Variants in TBC1D2 observed in about 807,000 individuals in gnomAD.
The protein encoded by TBC1D2 is TBC1 domain family member 2.
In TBC1D2, 58 loss-of-function variants were observed where a neutral mutation model predicts 91.1. The observed-to-expected ratio is 0.64, with a 90% CI of 0.52 to 0.79. TBC1D2 has a LOEUF of 0.79. Ranked by LOEUF, TBC1D2 falls within the 30% of genes least tolerant of loss-of-function variation. The probability of loss-of-function intolerance (pLI) is 0.00; values close to 1 mark genes in which losing one functional copy is unlikely to be tolerated. For synonymous variants in TBC1D2, 482 were observed against 511.5 expected (o/e 0.94, Z 0.78); for missense variants, 1,080 against 1,208.3 (o/e 0.89, Z 1.57).
At chr9:98,206,894 A>G (rs1471109364) in intron 9 of TBC1D2, among the ~76,000 whole-genome samples, 1 of 152,256 alleles carries the variant, frequency 6.6e-6, no homozygotes, top group East Asian at 1.9e-4. Context: ...TGCAAAAATT[A>G]TTATTCATTC....
intron 2 of TBC1D2, among the ~76,000 whole-genome samples, chr9:98,249,787 C>T (rs983989647): frequency 6.6e-6 from 1 of 152,136 alleles, no homozygotes; most frequent in African/African-American, 2.4e-5. Flanking sequence ...CATAGAATAA[C>T]AATATTATTA....
At chr9:98,245,237 C>A (rs1829740579) in intron 2 of TBC1D2, among the ~76,000 whole-genome samples, 1 of 151,564 alleles carries the variant, frequency 6.6e-6, no homozygotes, top group Admixed American at 6.6e-5. Flanking sequence ...GAGACTCCAT[C>A]TCAAAAAACA....
In TBC1D2 at chr9:98,208,793, G is replaced by C; in HGVS notation, c.2025C>G (p.Asn675Lys). 6.3e-7 allele frequency: 1 copy of C among 1,597,406 alleles called. No individual in the cohort carries two copies. The highest frequency in any genetic ancestry group is 1.3e-5 in the African/African-American group (1 of 74,810). ...PAARQIELDL[N>K]RTFPNNKHFT... Reference sequence around the variant, plus strand: ...AGTGTTTGTTGTTGGGGAAGGTCCGGTTCAGGTCCAGCTCAATCTGGCGGG... The same window carrying C: ...AGTGTTTGTTGTTGGGGAAGGTCCGCTTCAGGTCCAGCTCAATCTGGCGGG... The change falls in exon 9 of 13, where the codon AAC (asparagine) becomes AAG (lysine). Residue 675 changes from asparagine to lysine, a missense_variant. Asn to Lys is a moderately conservative substitution (Grantham distance 94). Coordinates refer to ENST00000465784, the MANE Select transcript of TBC1D2 (RefSeq NM_001267571.2).
intron 10 of TBC1D2, 108 bp from the exon 11 acceptor site, chr9:98,201,772 C>T: frequency 8.5e-7 from 1 of 1,181,610 alleles, no homozygotes; most frequent in Non-Finnish European, 1.2e-6. Context: ...TGAAGCTGCT[C>T]TGGGCAGGTC....
chr9:98,218,723 C>T (rs1282964967), intron 6 of TBC1D2, among the ~76,000 whole-genome samples: 2 of 152,146 alleles, frequency 1.3e-5, no homozygotes, highest in Non-Finnish European at 2.9e-5. Flanking sequence ...TGGTGTTTCA[C>T]TCCTTCACCC....
intron 5 of TBC1D2, among the ~76,000 whole-genome samples, chr9:98,222,588 C>T (rs1419807339): frequency 6.6e-6 from 1 of 152,240 alleles, no homozygotes; most frequent in African/African-American, 2.4e-5. Context: ...AGGGCCACGC[C>T]TGGACTCAGG....
intron 6 of TBC1D2, among the ~76,000 whole-genome samples, chr9:98,215,978 A>G (rs1214160769): frequency 6.6e-6 from 1 of 152,092 alleles, no homozygotes; most frequent in Non-Finnish European, 1.5e-5. Flanking sequence ...TCTCCTACCC[A>G]TCAGACAGTA....
At chr9:98,246,268 G>GT (rs928043645) in intron 2 of TBC1D2, among the ~76,000 whole-genome samples, 14 of 152,116 alleles carry the variant, frequency 9.2e-5, no homozygotes, top group Non-Finnish European at 1.5e-5. Context: ...GCGGAGATTT[G>GT]TTTTTGCACT....
chr9:98,203,427 C>T lies in TBC1D2; in HGVS notation c.2151-19G>A, dbSNP rs762803083. ...CGCCAGCCTGGAGTAGTAGGGAAGG[C>T]CTGGAGTGATTACAGAAGCCGTGGC... On this transcript the variant is annotated intron_variant, in intron 9 of 12. Coordinates refer to ENST00000465784, the MANE Select transcript of TBC1D2 (RefSeq NM_001267571.2). The T allele has an allele frequency of 4.3e-6, 7 of 1,612,886 alleles. No homozygotes were observed. In the African/African-American group the frequency reaches 9.3e-5, roughly 22 times the overall value.
chr9:98,221,321 C>T (rs943967260), intron 5 of TBC1D2, 93 bp from the exon 6 acceptor site: 8 of 1,406,578 alleles, frequency 5.7e-6, no homozygotes, highest in South Asian at 3.0e-5. Flanking sequence ...TCCTAACAAC[C>T]GTGAGAGGTG....
chr9:98,252,631 A>G (rs1484207154), intron 1 of TBC1D2, among the ~76,000 whole-genome samples: 1 of 152,208 alleles, frequency 6.6e-6, no homozygotes, highest in Non-Finnish European at 1.5e-5. Flanking sequence ...CTTTCTACAG[A>G]TGGAGAAACT....
intron 4 of TBC1D2, among the ~76,000 whole-genome samples, chr9:98,230,982 T>G (rs938254344): frequency 1.3e-5 from 2 of 152,202 alleles, no homozygotes; most frequent in African/African-American, 4.8e-5. Context: ...CAAGGCAGCC[T>G]GCAGAGCTCA....
At chr9:98,208,154 G>A (rs1449996674) in intron 9 of TBC1D2, among the ~76,000 whole-genome samples, 1 of 152,120 alleles carries the variant, frequency 6.6e-6, no homozygotes, top group Non-Finnish European at 1.5e-5. Context: ...AGAGAGCAGG[G>A]ACGAGGGGCC....
intron 2 of TBC1D2, among the ~76,000 whole-genome samples, chr9:98,246,886 T>C (rs1588065776): frequency 6.6e-6 from 1 of 152,002 alleles, no homozygotes; most frequent in Non-Finnish European, 1.5e-5. Flanking sequence ...GGGTAAGTGG[T>C]TGGATCTCAT....
rs372602011 is a variant in TBC1D2 at position 98,210,859 on chromosome 9, G to C, written c.1486-16C>G. The stretch of plus-strand genomic sequence containing the variant: ...GGTAGGCGCACTGCAAACAGGGAAA[G>C]GCTGGTCAGGCTACCGGGTGGGAGC... On this transcript the variant is annotated splice_polypyrimidine_tract_variant and intron_variant, in intron 7 of 12. Transcript: ENST00000465784. The C allele has an allele frequency of 1.3e-5, 20 of 1,547,290 alleles. No individual in the cohort carries two copies. The East Asian group carries it at 4.9e-4, about 38-fold the overall frequency.
intron 7 of TBC1D2, among the ~76,000 whole-genome samples, chr9:98,211,376 C>T (rs9299277): frequency 0.18 from 27,352 of 152,018 alleles, 2,703 homozygotes; most frequent in African/African-American, 0.21. Flanking sequence ...ACCTAGGCTC[C>T]TTCTGTTCCT....
intron 2 of TBC1D2, among the ~76,000 whole-genome samples, chr9:98,250,233 A>C (rs572037516): frequency 1.5e-4 from 23 of 152,294 alleles, no homozygotes; most frequent in African/African-American, 4.8e-4. Flanking sequence ...CATCAAGCCC[A>C]AGGTGGGGAC....
intron 6 of TBC1D2, among the ~76,000 whole-genome samples, chr9:98,216,021 T>C (rs1345550588): frequency 6.6e-6 from 1 of 152,216 alleles, no homozygotes; most frequent in Non-Finnish European, 1.5e-5. Flanking sequence ...GAGTTGGCCA[T>C]GTACCGGCAC....
chr9:98,213,253 C>T, intron 6 of TBC1D2, 35 bp from the exon 7 acceptor site: 1 of 1,612,796 alleles, frequency 6.2e-7, no homozygotes. Flanking sequence ...ATCAGTTGGA[C>T]ATAAACATCT....
Sources: allele counts gnomAD v4.1 joint callset (sites outside exome capture counted in the v4.1 genomes callset), GRCh38; gene constraint gnomAD v4.1.1; transcripts MANE v1.5; gene names NCBI Gene and HGNC (gene_info 2026-07-23, HGNC 2026-07-21).